Variants in RABGAP1L observed in about 807,000 individuals in gnomAD.
RABGAP1L encodes rab GTPase-activating protein 1-like.
RABGAP1L carries 63 observed loss-of-function variants against 137.7 expected under a neutral mutation model. The ratio of observed to expected loss-of-function variants is 0.46; its 90% CI spans 0.37 to 0.56. The LOEUF is 0.56. Among genes scored for constraint, RABGAP1L ranks in the 20% least tolerant of loss-of-function variants. The pLI, the probability that RABGAP1L is intolerant of heterozygous loss-of-function variation, is 0.00. For synonymous variants in RABGAP1L, 431 were observed against 433.7 expected, an observed-to-expected ratio of 0.99 and a Z score of 0.08; for missense variants, 1,095 against 1,244.0, an observed-to-expected ratio of 0.88 and a Z score of 1.80.
chr1:174,384,357 C>T (rs898266100), intron 12 of RABGAP1L, among the ~76,000 whole-genome samples: 3 of 152,012 alleles, frequency 2.0e-5, no homozygotes, highest in Admixed American at 1.3e-4. Flanking sequence ...GCTCACAAAC[C>T]TATGTGCATT....
chr1:174,516,314 A>G (rs181608316), intron 13 of RABGAP1L, among the ~76,000 whole-genome samples: 6 of 152,172 alleles, frequency 3.9e-5, no homozygotes, highest in Non-Finnish European at 5.9e-5. Flanking sequence ...TGCCAAATAC[A>G]TCTATACATG....
At chr1:174,774,332 T>G (rs957058927) in intron 18 of RABGAP1L, among the ~76,000 whole-genome samples, 1 of 152,216 alleles carries the variant, frequency 6.6e-6, no homozygotes, top group African/African-American at 2.4e-5. Context: ...GGCTCATGCC[T>G]GTAATCCCAG....
chr1:174,831,449 A>G lies in RABGAP1L; in HGVS notation c.2340+19489A>G, dbSNP rs551247627. 1.3e-5 allele frequency among the ~76,000 whole-genome samples: 2 copies of G among 148,412 alleles called. 1 individual carries two copies. Among genetic ancestry groups the G allele is most frequent in the East Asian group, 4.2e-4 (2 of 4,768 alleles). On this transcript the variant is annotated intron_variant, in intron 19 of 25. Coordinates refer to ENST00000681986, the MANE Select transcript of RABGAP1L (RefSeq NM_001366446.1). ...TCCACCTTGTCTTAAAGAAAGGACA[A>G]CTGGCAATTCTTTCTCTGACACTGA...
intron 13 of RABGAP1L, among the ~76,000 whole-genome samples, chr1:174,502,049 G>A (rs1161024339): frequency 6.6e-6 from 1 of 151,054 alleles, no homozygotes; most frequent in Non-Finnish European, 1.5e-5. Context: ...TATAATATTA[G>A]GCAGAAACCA....
intron 17 of RABGAP1L, chr1:174,705,153 T>G (rs764790832): frequency 6.6e-6 from 1 of 152,160 alleles, no homozygotes; most frequent in African/African-American, 2.4e-5. Flanking sequence ...AAAATTAATG[T>G]GCTTAATCAT....
intron 5 of RABGAP1L, among the ~76,000 whole-genome samples, chr1:174,246,659 G>A (rs777664056): frequency 6.6e-6 from 1 of 152,122 alleles, no homozygotes; most frequent in East Asian, 1.9e-4. Context: ...AAAGTATATG[G>A]AAAGATGTGT....
chr1:174,633,929 CCCTAGAAGAAAA>C (rs1444362408), intron 13 of RABGAP1L, among the ~76,000 whole-genome samples: 46 of 93,436 alleles, frequency 4.9e-4, no homozygotes, highest in African/African-American at 2.8e-3. Flanking sequence ...ACCATAAAAA[CCCTAGAAGAAAA>C]CCTAGGCATT....
intron 13 of RABGAP1L, among the ~76,000 whole-genome samples, chr1:174,409,373 T>A (rs930720827): frequency 6.6e-6 from 1 of 152,210 alleles, no homozygotes; most frequent in Non-Finnish European, 1.5e-5. Context: ...TTTAATCTCT[T>A]AATCCTGTTA....
intron 20 of RABGAP1L, among the ~76,000 whole-genome samples, chr1:174,958,918 A>G (rs1668849497): frequency 6.6e-6 from 1 of 152,208 alleles, no homozygotes; most frequent in Non-Finnish European, 1.5e-5. Context: ...GGGATGCTGT[A>G]TGTTAAGGAC....
chr1:174,612,518 T>G (rs1671358787), intron 13 of RABGAP1L, among the ~76,000 whole-genome samples: 1 of 152,194 alleles, frequency 6.6e-6, no homozygotes, highest in Non-Finnish European at 1.5e-5. Context: ...TAAAATTCTC[T>G]TTTTTGGTTG....
chr1:174,371,288 C>T (rs1017220916), intron 12 of RABGAP1L, among the ~76,000 whole-genome samples: 7 of 151,918 alleles, frequency 4.6e-5, no homozygotes, highest in African/African-American at 1.7e-4. Context: ...TTTTATTTAA[C>T]TTGCTTTTAG....
chr1:174,373,082 T>C (rs1685235835), intron 12 of RABGAP1L, among the ~76,000 whole-genome samples: 1 of 152,228 alleles, frequency 6.6e-6, no homozygotes. Context: ...ATTGTCCACC[T>C]AAATGTACCT....
chr1:174,534,955 A>G (rs1358690322), intron 13 of RABGAP1L, among the ~76,000 whole-genome samples: 1 of 152,156 alleles, frequency 6.6e-6, no homozygotes, highest in Non-Finnish European at 1.5e-5. Context: ...GTGACTAACA[A>G]TTAGTGTATA....
intron 13 of RABGAP1L, among the ~76,000 whole-genome samples, chr1:174,403,206 A>AGTGTGT (rs1467034176): frequency 2.2e-5 from 2 of 91,990 alleles, no homozygotes; most frequent in South Asian, 4.3e-4. Context: ...GTTATATATG[A>AGTGTGT]GAGTGTGTGT....
At chr1:174,348,456 AT>A (rs538693973) in intron 11 of RABGAP1L, among the ~76,000 whole-genome samples, 16 of 148,188 alleles carry the variant, frequency 1.1e-4, no homozygotes, top group Admixed American at 3.3e-4. Flanking sequence ...TTATTTATTT[AT>A]TTTTTTTAAT....
intron 13 of RABGAP1L, among the ~76,000 whole-genome samples, chr1:174,568,365 A>G (rs1667724658): frequency 6.6e-6 from 1 of 152,226 alleles, no homozygotes. Context: ...GAACAAACAT[A>G]TAAACCGTAT....
chr1:174,547,954 G>A (rs1225921879), intron 13 of RABGAP1L: 2 of 1,550,264 alleles, frequency 1.3e-6, no homozygotes, highest in Admixed American at 2.0e-5. Context: ...TAGACTTGAT[G>A]TTCTGATTAC....
chr1:174,717,607 TA>T (rs1395993864), intron 17 of RABGAP1L, among the ~76,000 whole-genome samples: 3 of 152,202 alleles, frequency 2.0e-5, no homozygotes, highest in Non-Finnish European at 2.9e-5. Context: ...GAGTCAACCT[TA>T]AAACATGCAA....
intron 1 of RABGAP1L, among the ~76,000 whole-genome samples, chr1:174,211,539 T>A (rs1453533116): frequency 6.6e-6 from 1 of 151,784 alleles, no homozygotes; most frequent in Non-Finnish European, 1.5e-5. Flanking sequence ...TCATAGAAAA[T>A]CACCTTGACT....
Sources: gnomAD v4.1 joint callset for allele counts (sites outside exome capture counted in the v4.1 genomes callset) on GRCh38, gnomAD v4.1.1 for gene constraint, MANE v1.5 for transcripts, NCBI Gene and HGNC (gene_info 2026-07-23, HGNC 2026-07-21) for gene names.